The following KCTD16 variants were observed in gnomAD, a reference collection of about 807,000 sequenced individuals.
KCTD16 encodes the protein potassium channel tetramerization domain containing 16, also known as BTB/POZ domain-containing protein KCTD16.
Under a neutral mutation model 33.2 loss-of-function variants are expected in KCTD16, and 13 were observed. The ratio of observed to expected loss-of-function variants is 0.39; its 90% CI spans 0.25 to 0.62. The LOEUF is 0.62. Among genes scored for constraint, KCTD16 ranks in the 20% least tolerant of loss-of-function variants. The probability of loss-of-function intolerance (pLI) is 0.50; values close to 1 mark genes in which losing one functional copy is unlikely to be tolerated. For synonymous variants in KCTD16, 197 were observed against 195.3 expected (o/e 1.01, Z -0.07); for missense variants, 441 against 525.1 (o/e 0.84, Z 1.57).
chr5:144,230,482 C>G (rs956591157), intron 3 of KCTD16, among the ~76,000 whole-genome samples: 1 of 152,020 alleles, frequency 6.6e-6, no homozygotes, highest in Non-Finnish European at 1.5e-5. Context: ...TGGATTTATG[C>G]CAGTTGAGTG....
chr5:144,455,174 T>G (rs573151210), intron 3 of KCTD16, among the ~76,000 whole-genome samples: 1 of 151,926 alleles, frequency 6.6e-6, no homozygotes, highest in East Asian at 2.0e-4. Flanking sequence ...AGAGGCGCAT[T>G]GAGGAGTGTG....
chr5:144,265,099 C>T (rs1230518920), intron 3 of KCTD16, among the ~76,000 whole-genome samples: 3 of 152,060 alleles, frequency 2.0e-5, no homozygotes, highest in Admixed American at 6.6e-5. Context: ...TCTAATTTTC[C>T]GTAAAAGGAA....
In KCTD16 at chr5:144,230,413, A is replaced by G. The variant is rs192631533; in HGVS notation, c.832+22867A>G. On this transcript the variant is annotated intron_variant, in intron 3 of 3. Coordinates refer to ENST00000512467, the MANE Select transcript of KCTD16 (RefSeq NM_020768.4). ...CTCAAACTTAATGTAATTCAGACAA[A>G]GATGGAAATCTTTAGGCATGCTGAA... Among the ~76,000 whole-genome samples the G allele has an allele frequency of 2.2e-3, 338 of 152,350 alleles. 3 individuals are homozygous for G. Among genetic ancestry groups the G allele is most frequent in the African/African-American group, 7.7e-3 (322 of 41,580 alleles).
At chr5:144,287,497 T>C (rs1449814525) in intron 3 of KCTD16, among the ~76,000 whole-genome samples, 1 of 152,166 alleles carries the variant, frequency 6.6e-6, no homozygotes, top group Non-Finnish European at 1.5e-5. Flanking sequence ...TATCAGTAAG[T>C]AATCCATCCA....
At chr5:144,278,571 C>G (rs553287639) in intron 3 of KCTD16, among the ~76,000 whole-genome samples, 1 of 145,360 alleles carries the variant, frequency 6.9e-6, no homozygotes, top group Admixed American at 7.0e-5. Flanking sequence ...AATCTTGGCT[C>G]ACTGCAAGCT....
rs138524677 is a variant in KCTD16, at chr5:144,435,823, CTG to C, written c.833-37819_833-37818del. Among the ~76,000 whole-genome samples, 644 of 143,182 alleles carry C rather than the reference CTG, an allele frequency of 4.5e-3. 2 individuals are homozygous for C. Among genetic ancestry groups the C allele is most frequent in the African/African-American group, 0.014 (519 of 36,200 alleles). 93.9% of individuals were successfully genotyped at this position (143,182 alleles called of 152,430 possible). On this transcript the variant is annotated intron_variant, in intron 3 of 3. Transcript: ENST00000512467. The stretch of plus-strand genomic sequence containing the variant: ...GCTTTGTGTGTGTGTGTGCGCTTTC[CTG>C]TGTGTGTGTGTGTGTGTATGTGTGT...
chr5:144,393,505 G>A (rs565601869), intron 3 of KCTD16, among the ~76,000 whole-genome samples: 1 of 152,058 alleles, frequency 6.6e-6, no homozygotes, highest in African/African-American at 2.4e-5. Context: ...ATAATTTGGG[G>A]CACTCAAATA....
intron 3 of KCTD16, chr5:144,439,358 T>C: frequency 1.9e-6 from 1 of 516,322 alleles, no homozygotes; most frequent in African/African-American, 2.0e-5. Context: ...AGTATGAATC[T>C]GAATGGAGGA....
chr5:144,289,478 G>A lies in KCTD16; in HGVS notation c.832+81932G>A, dbSNP rs562079839. ...TTGTCTGCCTGGGAAACACCATCTG[G>A]TAGGAGAGGGCTGCCTGTTGAGAGG... On this transcript the variant is annotated intron_variant, in intron 3 of 3. Transcript: ENST00000512467. Among the ~76,000 whole-genome samples the A allele has an allele frequency of 7.2e-5, 11 of 152,260 alleles. No individual in the cohort carries two copies. The South Asian group carries it at 2.1e-3, about 29-fold the overall frequency.
intron 2 of KCTD16, among the ~76,000 whole-genome samples, chr5:144,204,359 A>G (rs1753112730): frequency 6.6e-6 from 1 of 152,198 alleles, no homozygotes; most frequent in African/African-American, 2.4e-5. Context: ...TGGTGTTTTA[A>G]AGGGGAAATG....
chr5:144,249,128 A>C (rs537569300), intron 3 of KCTD16, among the ~76,000 whole-genome samples: 4 of 151,862 alleles, frequency 2.6e-5, no homozygotes, highest in Non-Finnish European at 5.9e-5. Context: ...ACCTTGCAAC[A>C]CCCTCGTCTT....
At chr5:144,271,451 T>C (rs184928513) in intron 3 of KCTD16, among the ~76,000 whole-genome samples, 1 of 152,096 alleles carries the variant, frequency 6.6e-6, no homozygotes, top group Non-Finnish European at 1.5e-5. Flanking sequence ...ACTTAATACC[T>C]TTTTGTGATC....
intron 3 of KCTD16, among the ~76,000 whole-genome samples, chr5:144,450,426 T>A (rs1561612523): frequency 6.6e-6 from 1 of 152,050 alleles, no homozygotes; most frequent in Non-Finnish European, 1.5e-5. Flanking sequence ...TATCATATGA[T>A]CCAGCAATCT....
chr5:144,408,901 A>G (rs574096017), intron 3 of KCTD16, among the ~76,000 whole-genome samples: 110 of 152,312 alleles, frequency 7.2e-4, no homozygotes, highest in African/African-American at 2.6e-3. Context: ...CTTCAGGTCA[A>G]ATGCCACCTT....
intron 3 of KCTD16, among the ~76,000 whole-genome samples, chr5:144,287,181 G>C (rs1289590489): frequency 6.6e-6 from 1 of 152,208 alleles, no homozygotes; most frequent in Non-Finnish European, 1.5e-5. Flanking sequence ...CCATCGGTCT[G>C]TGGAAGATTA....
chr5:144,346,932 A>T (rs1261561557), intron 3 of KCTD16, among the ~76,000 whole-genome samples: 2 of 150,566 alleles, frequency 1.3e-5, no homozygotes, highest in African/African-American at 4.9e-5. Context: ...CTTTGCCCAG[A>T]CCCAAGTCCT....
intron 3 of KCTD16, among the ~76,000 whole-genome samples, chr5:144,270,091 G>C (rs1355806916): frequency 6.6e-6 from 1 of 151,840 alleles, no homozygotes; most frequent in African/African-American, 2.4e-5. Flanking sequence ...AAGCCATAAA[G>C]TATTTAGAAA....
chr5:144,463,405 T>C (rs1166369409), intron 3 of KCTD16, among the ~76,000 whole-genome samples: 1 of 152,246 alleles, frequency 6.6e-6, no homozygotes, highest in Non-Finnish European at 1.5e-5. Context: ...ATCAATTGTC[T>C]TCTAAAAACT....
At chr5:144,299,898 T>TAAAAAAAA (rs66821172) in intron 3 of KCTD16, among the ~76,000 whole-genome samples, 13 of 128,858 alleles carry the variant, frequency 1.0e-4, no homozygotes, top group African/African-American at 2.4e-4. Context: ...CAGAATCATT[T>TAAAAAAAA]AAAAAAAAAA....
Sources: gnomAD v4.1 joint callset for allele counts (sites outside exome capture counted in the v4.1 genomes callset) on GRCh38, gnomAD v4.1.1 for gene constraint, MANE v1.5 for transcripts, NCBI Gene and HGNC (gene_info 2026-07-23, HGNC 2026-07-21) for gene names.